Variants in SMIM22 observed in about 807,000 individuals in gnomAD.
SMIM22 encodes the protein small integral membrane protein 22.
SMIM22 carries 16 observed loss-of-function variants against 8.4 expected under a neutral mutation model. The observed-to-expected ratio is 1.90, with a 90% confidence interval of 1.29 to 2.89. The LOEUF (loss-of-function observed/expected upper bound fraction) is 2.89. SMIM22 is among the 30% of genes most tolerant of loss of function. The pLI, the probability that SMIM22 is intolerant of heterozygous loss-of-function variation, is 0.00. For synonymous variants in SMIM22, 67 were observed against 47.6 expected, an observed-to-expected ratio of 1.41 and a Z score of -1.68; for missense variants, 159 against 107.5, an observed-to-expected ratio of 1.48 and a Z score of -2.12.
At chr16:4,788,561 C>T (rs913220252) in exon 1 of SMIM22, 1 of 152,218 alleles carries the variant, frequency 6.6e-6, no homozygotes, top group Non-Finnish European at 1.5e-5. Flanking sequence ...AAGCTGACGC[C>T]CTCAACCACT....
At chr16:4,792,336 GC>G (rs2082563746), upstream of SMIM22, among the ~76,000 whole-genome samples, 4 of 151,240 alleles carry the variant, frequency 2.6e-5, no homozygotes, top group African/African-American at 9.7e-5. Context: ...GACTACAGGT[GC>G]CCGCCACCAC....
Position 4,795,811 on chromosome 16 carries a change from A to G in SMIM22, c.77A>G (p.Gln26Arg). The G allele has an allele frequency of 6.5e-7, 1 of 1,536,006 alleles. No individual in the cohort carries two copies. The highest frequency in any genetic ancestry group is 1.2e-5 in the South Asian group (1 of 84,062). Residue 26 changes from glutamine to arginine, a missense_variant, in exon 2 of 4, where the codon CAG becomes CGG. Coordinates refer to ENST00000586005, the MANE Select transcript of SMIM22 (RefSeq NM_001253794.2). ...LGRLKSHQFF[Q>R]STWDTVAFIV... ...AGACTGAAGAGCCACCAGTTTTTCC[A>G]GTCCACATGGGACACTGTTGCCTTC...
chr16:4,794,320 G>T (rs2082598923), upstream of SMIM22, among the ~76,000 whole-genome samples: 1 of 151,788 alleles, frequency 6.6e-6, no homozygotes, highest in Non-Finnish European at 1.5e-5. Context: ...TGTTACCCAG[G>T]ATGGTCTTGA....
At chr16:4,791,109 A>G (rs2082544295), upstream of SMIM22, among the ~76,000 whole-genome samples, 1 of 152,236 alleles carries the variant, frequency 6.6e-6, no homozygotes. Context: ...TGTGCAGAGA[A>G]AACACTTTCT....
intron 2 of SMIM22, chr16:4,789,916 T>C (rs575289589): frequency 6.6e-6 from 1 of 151,892 alleles, no homozygotes; most frequent in East Asian, 1.9e-4. Flanking sequence ...TTTCTTTCTT[T>C]TTTTTTTTTC....
chr16:4,791,907 G>A (rs1332431146), upstream of SMIM22, among the ~76,000 whole-genome samples: 6 of 152,010 alleles, frequency 3.9e-5, no homozygotes, highest in Non-Finnish European at 5.9e-5. Context: ...GGATGGTCTC[G>A]AATTTCTAAC....
chr16:4,796,140 C>T (rs571941017), intron 3 of SMIM22, 50 bp from the exon 4 acceptor site: 16 of 1,535,830 alleles, frequency 1.0e-5, no homozygotes, highest in Admixed American at 3.9e-5. Context: ...GCTCATCCCC[C>T]TAGGGAACAA....
chr16:4,793,702 C>A (rs1462156485), upstream of SMIM22, among the ~76,000 whole-genome samples: 1 of 152,166 alleles, frequency 6.6e-6, no homozygotes, highest in Non-Finnish European at 1.5e-5. Context: ...TGGACATGTA[C>A]AGACTTTTTT....
At chr16:4,791,265 G>A (rs1196342717), upstream of SMIM22, among the ~76,000 whole-genome samples, 1 of 152,196 alleles carries the variant, frequency 6.6e-6, no homozygotes, top group East Asian at 1.9e-4. Context: ...TCATCTGGAA[G>A]GTGCTCCCGG....
In SMIM22 at chr16:4,796,218, C is replaced by T. The variant is rs1596272370; in HGVS notation, c.254C>T (p.Ala85Val). 1.3e-6 allele frequency: 2 copies of T among 1,535,866 alleles called. No individual in the cohort carries two copies. Among genetic ancestry groups the T allele is most frequent in the East Asian group, 2.4e-5 (1 of 40,910 alleles). ...AGACCCAAGGGAGTGGATAACTTGG[C>T]CCTGGAACCCTGACCCTGTGTCTCC... ...KERPKGVDNL[A>V]LEP The change falls in exon 4 of 4, where the codon GCC becomes GTC. Residue 85 changes from alanine (A) to valine (V), a missense_variant. Transcript: ENST00000586005.
chr16:4,795,670 A>G, intron 1 of SMIM22, 45 bp from the exon 2 acceptor site: 1 of 1,522,048 alleles, frequency 6.6e-7, no homozygotes, highest in South Asian at 1.2e-5. Flanking sequence ...GTCCCCGCTG[A>G]GCTGAGCCCA....
chr16:4,792,807 CAAAAA>C (rs1247341963), upstream of SMIM22, among the ~76,000 whole-genome samples: 2 of 47,066 alleles, frequency 4.2e-5, no homozygotes, highest in Non-Finnish European at 8.6e-5. Flanking sequence ...GACTCCGTCT[CAAAAA>C]AAAAAAAAAA....
upstream of SMIM22, among the ~76,000 whole-genome samples, chr16:4,792,351 C>T (rs372023337): frequency 0.016 from 2,381 of 151,658 alleles, 42 homozygotes; most frequent in African/African-American, 0.043. Context: ...CCACCACGCC[C>T]GGCTAATTTT....
At chr16:4,795,687 T>C in intron 1 of SMIM22, 28 bp from the exon 2 acceptor site, 4 of 1,529,662 alleles carry the variant, frequency 2.6e-6, no homozygotes, top group Non-Finnish European at 2.6e-6. Context: ...CCCAGGATCC[T>C]GATGCAGCCT....
chr16:4,795,775 A>C lies in SMIM22; in HGVS notation c.41A>C (p.Glu14Ala). Residue 14 changes from glutamate (E) to alanine (A), a missense_variant, in exon 2 of 4, where the codon GAA becomes GCA. Physicochemically the swap from Glu to Ala is moderately radical, Grantham distance 107 (BLOSUM62 -1). Coordinates refer to ENST00000586005, the MANE Select transcript of SMIM22 (RefSeq NM_001253794.2). Reference protein sequence around the residue: ...STEELEATVQEVLGRLKSHQF... With the variant: ...STEELEATVQAVLGRLKSHQF... ...GAGGAGCTGGAGGCCACGGTTCAGG[A>C]AGTCCTGGGGAGACTGAAGAGCCAC... is the stretch of plus-strand genomic sequence containing the variant. The C allele has an allele frequency of 6.5e-7, 1 of 1,535,958 alleles. No homozygotes were observed. The highest frequency in any genetic ancestry group is 1.4e-5 in the African/African-American group (1 of 73,144).
chr16:4,792,345 C>T (rs1470779195), upstream of SMIM22, among the ~76,000 whole-genome samples: 2 of 151,772 alleles, frequency 1.3e-5, no homozygotes, highest in East Asian at 4.0e-4. Context: ...TGCCCGCCAC[C>T]ACGCCCGGCT....
At position 4,795,796 on chromosome 16, in the gene SMIM22, G is replaced by C. The variant is rs569330801; in HGVS notation, c.62G>C (p.Ser21Thr). The C allele has an allele frequency of 8.5e-6, 13 of 1,536,006 alleles. No homozygotes were observed. In the African/African-American group the frequency reaches 1.4e-4, roughly 16 times the overall value. Residue 21 changes from serine to threonine, a missense_variant, in exon 2 of 4, where the codon AGC (serine) becomes ACC (threonine). Transcript: ENST00000586005. ...CAGGAAGTCCTGGGGAGACTGAAGA[G>C]CCACCAGTTTTTCCAGTCCACATGG... ...TVQEVLGRLK[S>T]HQFFQSTWDT...
chr16:4,794,822 G>A (rs902101881), upstream of SMIM22: 1 of 152,282 alleles, frequency 6.6e-6, no homozygotes, highest in Non-Finnish European at 1.5e-5. Context: ...GCCTTCCAAA[G>A]TGGTGGGATT....
chr16:4,790,503 G>A (rs1246413911), upstream of SMIM22, among the ~76,000 whole-genome samples: 2 of 152,096 alleles, frequency 1.3e-5, no homozygotes, highest in Non-Finnish European at 2.9e-5. Context: ...TAGAGGCTAG[G>A]GGTCAGCCAG....
Sources: allele counts gnomAD v4.1 joint callset (sites outside exome capture counted in the v4.1 genomes callset), GRCh38; gene constraint gnomAD v4.1.1; transcripts MANE v1.5; gene names NCBI Gene and HGNC (gene_info 2026-07-23, HGNC 2026-07-21).